SYNGR2: variants seen among roughly 807,000 people sequenced by gnomAD.
SYNGR2 encodes the protein synaptogyrin 2.
SYNGR2 carries 11 observed loss-of-function variants against 18.7 expected under a neutral mutation model. The observed-to-expected ratio is 0.59, with a 90% CI of 0.37 to 0.97. The LOEUF (loss-of-function observed/expected upper bound fraction) is 0.97, where lower values mean the gene tolerates loss of function less well. Among genes scored for constraint, SYNGR2 ranks in the 50% least tolerant of loss-of-function variants. The pLI, the probability that SYNGR2 is intolerant of heterozygous loss-of-function variation, is 0.01. For missense variants in SYNGR2, 253 were observed against 300.7 expected (o/e 0.84, Z 1.17); for synonymous variants, 127 against 131.0 (o/e 0.97, Z 0.21).
In SYNGR2 at chr17:78,171,479, T is replaced by C. The variant is rs776408128; in HGVS notation, c.338-31T>C. On this transcript the variant is annotated intron_variant, in intron 2 of 3. Transcript: ENST00000225777. This position sits in a 1 kb window ranked among gnomAD's most constrained non-coding sequence, Gnocchi z 6.6. ...GTCCTGGAAAGCCCCTCCCTTTCCA[T>C]GGAACTGACGCTTCACCCGTCCTCC... The C allele has an allele frequency of 3.3e-6, 5 of 1,512,932 alleles. No homozygotes were observed. The highest frequency in any genetic ancestry group is 4.6e-5 in the East Asian group (2 of 43,852). The allele number at this position is 1,512,932 out of a possible 1,614,324, so 93.7% of individuals were successfully genotyped here. A position where few individuals can be genotyped will look rare whatever the true frequency, so the allele number is the denominator to read the frequency against.
intron 1 of SYNGR2, chr17:78,170,538 A>T: frequency 2.4e-6 from 1 of 414,164 alleles, no homozygotes; most frequent in Non-Finnish European, 4.5e-6. Context: ...ATCTCTACTA[A>T]AAATACGGGT....
At position 78,170,982 on chromosome 17, in the gene SYNGR2, G is replaced by A. The variant is rs775550721; in HGVS notation, c.265G>A (p.Asp89Asn). ...FLASAFFLVV[D>N]AYFPQISNAT... ...GGCCTCGGCCTTCTTCTTGGTGGTC[G>A]ACGCGTATTTCCCCCAGATCAGCAA... is the stretch of plus-strand genomic sequence containing the variant. Residue 89 changes from aspartate to asparagine, a missense_variant, in exon 2 of 4, where the codon GAC becomes AAC. Coordinates refer to ENST00000225777, the MANE Select transcript of SYNGR2 (RefSeq NM_004710.7). 19 of 1,610,804 alleles carry A rather than the reference G, an allele frequency of 1.2e-5. No individual in the cohort carries two copies. The highest frequency in any genetic ancestry group is 6.7e-5 in the Admixed American group (4 of 59,750).
chr17:78,171,980 C>G lies in SYNGR2; in HGVS notation c.*44C>G, dbSNP rs540194061. The stretch of plus-strand genomic sequence containing the variant: ...AGGGGGACAGAGAGGGCCCTCCCCT[C>G]TGCCCTGGACTTTCCCATGAGCCTC... On this transcript the variant is annotated 3_prime_UTR_variant, in exon 4 of 4. Transcript: ENST00000225777. The surrounding 1 kb of genome is among the most constrained non-coding windows in gnomAD (Gnocchi z 6.6). The G allele has an allele frequency of 4.4e-6, 7 of 1,606,026 alleles. No individual in the cohort carries two copies. The Admixed American group carries it at 8.3e-5, about 19-fold the overall frequency.
rs4789546 is a variant in SYNGR2, at chr17:78,171,312, G to A, written c.338-198G>A. The A allele has an allele frequency of 0.067, 47,666 of 712,214 alleles. 2,751 individuals are homozygous for A. Among genetic ancestry groups the A allele is most frequent in the African/African-American group, 0.23 (12,755 of 55,910 alleles). The allele number at this position is 712,214 out of a possible 1,614,324, so 44.1% of individuals were successfully genotyped here. ...CTCTGCCCCTTTTGTCCCCTAGGCT[G>A]TCTGCTGTGGCCCACCCTGCCAAGG... On this transcript the variant is annotated intron_variant, in intron 2 of 3. Transcript: ENST00000225777. This position sits in a 1 kb window ranked among gnomAD's most constrained non-coding sequence, Gnocchi z 6.6.
chr17:78,169,173 G>A (rs2075640187), intron 1 of SYNGR2: 2 of 152,322 alleles, frequency 1.3e-5, no homozygotes, highest in African/African-American at 4.8e-5. Flanking sequence ...GGCAGGCCAC[G>A]GGTCCGCCTT....
Position 78,171,073 on chromosome 17 carries a change from T to G in SYNGR2, c.337+19T>G, listed in dbSNP as rs531117860. The G allele has an allele frequency of 1.2e-6, 2 of 1,607,406 alleles. No homozygotes were observed. The highest frequency in any genetic ancestry group is 8.5e-7 in the Non-Finnish European group (1 of 1,175,602). ...TTCTCAGGTATCTGCCTGTGGCACCTCCATTTGATCTTGGGGGAGGCATTA... is the reference window on the plus strand; with the variant it reads ...TTCTCAGGTATCTGCCTGTGGCACCGCCATTTGATCTTGGGGGAGGCATTA... On this transcript the variant is annotated intron_variant, in intron 2 of 3. Coordinates refer to ENST00000225777, the MANE Select transcript of SYNGR2 (RefSeq NM_004710.7). This position sits in a 1 kb window ranked among gnomAD's most constrained non-coding sequence, Gnocchi z 6.6.
chr17:78,171,509 GCTCT>G lies in SYNGR2; in HGVS notation c.340_343del (p.Leu114GlyfsTer31). 3 of 1,516,748 alleles carry G rather than the reference GCTCT, an allele frequency of 2.0e-6. No individual in the cohort carries two copies. The highest frequency in any genetic ancestry group is 2.6e-6 in the Non-Finnish European group (3 of 1,133,080). 94.0% of individuals were successfully genotyped at this position (1,516,748 alleles called of 1,614,324 possible). Reference sequence around the variant, plus strand: ...CTGACGCTTCACCCGTCCTCCCCCAGCTCTCTGGACCTTCCTGTGGTTTGTTGGT... The same window carrying G: ...CTGACGCTTCACCCGTCCTCCCCCAGCTGGACCTTCCTGTGGTTTGTTGGT... On this transcript the variant is annotated frameshift_variant and splice_region_variant, in exon 3 of 4. Transcript: ENST00000225777. LOFTEE classifies it high-confidence loss of function. The surrounding 1 kb of genome is among the most constrained non-coding windows in gnomAD (Gnocchi z 6.6).
At chr17:78,169,436 T>C (rs1408961996) in intron 1 of SYNGR2, among the ~76,000 whole-genome samples, 1 of 152,096 alleles carries the variant, frequency 6.6e-6, no homozygotes, top group Admixed American at 6.5e-5. Context: ...GGCTGTGGGA[T>C]CTGATCGCCT....
In SYNGR2 at chr17:78,171,990, C is replaced by T; in HGVS notation, c.*54C>T. On this transcript the variant is annotated 3_prime_UTR_variant, in exon 4 of 4. Transcript: ENST00000225777. The surrounding 1 kb of genome is among the most constrained non-coding windows in gnomAD (Gnocchi z 6.6). ...AGAGGGCCCTCCCCTCTGCCCTGGA[C>T]TTTCCCATGAGCCTCCTGGAACTGC... is the stretch of plus-strand genomic sequence containing the variant. 5.0e-6 allele frequency: 8 copies of T among 1,604,296 alleles called. No homozygotes were observed. The highest frequency in any genetic ancestry group is 5.9e-6 in the Non-Finnish European group (7 of 1,179,192).
In SYNGR2 at chr17:78,170,580, A is replaced by G. The variant is rs151077322; in HGVS notation, c.100-237A>G. 2.2e-3 allele frequency: 1,235 copies of G among 559,622 alleles called. 16 individuals are homozygous for G. The highest frequency in any genetic ancestry group is 0.02 in the African/African-American group (1,071 of 53,652). The allele number at this position is 559,622 out of a possible 1,614,324, so 34.7% of individuals were successfully genotyped here. A position where few individuals can be genotyped will look rare whatever the true frequency, so the allele number is the denominator to read the frequency against. On this transcript the variant is annotated intron_variant, in intron 1 of 3. Coordinates refer to ENST00000225777, the MANE Select transcript of SYNGR2 (RefSeq NM_004710.7). Reference sequence around the variant, plus strand: ...GAGGGCACCTGTAATCCCAGCTACTAGGGAGGCTGAGGCAGAATTGCTTGA... The same window carrying G: ...GAGGGCACCTGTAATCCCAGCTACTGGGGAGGCTGAGGCAGAATTGCTTGA...
rs1567827709 is a variant in SYNGR2 at position 78,171,962 on chromosome 17, CAG to C, written c.*31_*32del. Reference sequence around the variant, plus strand: ...GCGGCGGTTAGCGTGGGAAGGGGGACAGAGAGGGCCCTCCCCTCTGCCCTGGA... The same window carrying C: ...GCGGCGGTTAGCGTGGGAAGGGGGACAGAGGGCCCTCCCCTCTGCCCTGGA... On this transcript the variant is annotated 3_prime_UTR_variant, in exon 4 of 4. Coordinates refer to ENST00000225777, the MANE Select transcript of SYNGR2 (RefSeq NM_004710.7). This position sits in a 1 kb window ranked among gnomAD's most constrained non-coding sequence, Gnocchi z 6.6. 8 of 1,609,904 alleles carry C rather than the reference CAG, an allele frequency of 5.0e-6. No individual in the cohort carries two copies. The South Asian group carries it at 6.6e-5, about 13-fold the overall frequency.
chr17:78,171,949 G>T lies in SYNGR2; in HGVS notation c.*13G>T. 3 of 1,611,704 alleles carry T rather than the reference G, an allele frequency of 1.9e-6. No homozygotes were observed. The highest frequency in any genetic ancestry group is 1.1e-5 in the South Asian group (1 of 91,074). ...CCCTGTGTACTGAGCGGCGGTTAGC[G>T]TGGGAAGGGGGACAGAGAGGGCCCT... On this transcript the variant is annotated 3_prime_UTR_variant, in exon 4 of 4. Coordinates refer to ENST00000225777, the MANE Select transcript of SYNGR2 (RefSeq NM_004710.7). This position sits in a 1 kb window ranked among gnomAD's most constrained non-coding sequence, Gnocchi z 6.6.
At position 78,171,901 on chromosome 17, in the gene SYNGR2, A is replaced by G; in HGVS notation, c.640A>G (p.Thr214Ala). ...GCCACCCTTCACCCAGAACGCGGAG[A>G]CCACCGAGGGCTACCAGCCGCCCCC... ...QQPPFTQNAE[T>A]TEGYQPPPVY The change falls in exon 4 of 4, where the codon ACC (threonine) becomes GCC (alanine). Residue 214 changes from threonine (T) to alanine (A), a missense_variant. Thr to Ala is a moderately conservative substitution (Grantham distance 58). Transcript: ENST00000225777. This position sits in a 1 kb window ranked among gnomAD's most constrained non-coding sequence, Gnocchi z 6.6. 6.2e-7 allele frequency: 1 copy of G among 1,613,670 alleles called. No individual in the cohort carries two copies. Among genetic ancestry groups the G allele is most frequent in the East Asian group, 2.2e-5 (1 of 44,874 alleles).
intron 1 of SYNGR2, 38 bp from the exon 2 acceptor site, chr17:78,170,779 G>A (rs760347951): frequency 5.8e-5 from 91 of 1,580,068 alleles, no homozygotes; most frequent in Admixed American, 8.4e-5. Flanking sequence ...TGCCCCTCAG[G>A]CGGCCACCAG....
chr17:78,170,762 CTG>C (rs762382875), intron 1 of SYNGR2, 53 bp from the exon 2 acceptor site: 1 of 1,490,126 alleles, frequency 6.7e-7, no homozygotes, highest in Admixed American at 1.7e-5. Context: ...AGGGTCCCCG[CTG>C]TGTGTGCCCC....
rs1314079422 is a variant in SYNGR2, at chr17:78,172,663, G to C, written c.*727G>C. 3 of 152,344 alleles carry C rather than the reference G, an allele frequency of 2.0e-5. No homozygotes were observed. The highest frequency in any genetic ancestry group is 2.0e-4 in the Admixed American group (3 of 15,288). The allele number at this position is 152,344 out of a possible 1,614,324, so 9.4% of individuals were successfully genotyped here. A position where few individuals can be genotyped will look rare whatever the true frequency, so the allele number is the denominator to read the frequency against. ...TGTGCCGAGTGTATTATAAAATCGT[G>C]GGGGAGATGCCCGGCCTGGGATGCT... On this transcript the variant is annotated 3_prime_UTR_variant, in exon 4 of 4. Transcript: ENST00000225777.
Position 78,170,841 on chromosome 17 carries a change from T to A in SYNGR2, c.124T>A (p.Cys42Ser), listed in dbSNP as rs751478415. The part of the protein sequence containing the change: ...CLVFALIVFS[C>S]IYGEGYSNAH... ...GGTCTTCGCCTTGATCGTGTTCTCC[T>A]GCATCTATGGTGAGGGCTACAGCAA... The change falls in exon 2 of 4, where the codon TGC (cysteine) becomes AGC (serine). Residue 42 changes from cysteine (C) to serine (S), a missense_variant. Physicochemically the swap from Cys to Ser is moderately radical, Grantham distance 112 (BLOSUM62 -1). Coordinates refer to ENST00000225777, the MANE Select transcript of SYNGR2 (RefSeq NM_004710.7). 6 of 1,612,114 alleles carry A rather than the reference T, an allele frequency of 3.7e-6. No individual in the cohort carries two copies. Among genetic ancestry groups the A allele is most frequent in the Non-Finnish European group, 5.1e-6 (6 of 1,179,654 alleles).
In SYNGR2 at chr17:78,170,993, C is replaced by T; in HGVS notation, c.276C>T (p.Phe92=). 1 of 1,599,554 alleles carries T rather than the reference C, an allele frequency of 6.3e-7. No individual in the cohort carries two copies. The highest frequency in any genetic ancestry group is 8.5e-7 in the Non-Finnish European group (1 of 1,173,672). The change falls in exon 2 of 4, where the codon TTC becomes TTT. Residue 92 remains phenylalanine (F), a synonymous_variant. Transcript: ENST00000225777. ...SAFFLVVDAY[F]PQISNATDRK... is the part of the protein sequence containing the mutation. ...TCTTCTTGGTGGTCGACGCGTATTTCCCCCAGATCAGCAACGCCACTGACC... is the reference window on the plus strand; with the variant it reads ...TCTTCTTGGTGGTCGACGCGTATTTTCCCCAGATCAGCAACGCCACTGACC...
intron 1 of SYNGR2, chr17:78,170,583 G>A (rs2075650403): frequency 1.7e-6 from 1 of 571,976 alleles, no homozygotes; most frequent in African/African-American, 1.9e-5. Flanking sequence ...AGCTACTAGG[G>A]AGGCTGAGGC....
Sources: allele counts gnomAD v4.1 joint callset (sites outside exome capture counted in the v4.1 genomes callset), GRCh38; gene constraint gnomAD v4.1.1; non-coding constraint Gnocchi (gnomAD v3.1); transcripts MANE v1.5; gene names NCBI Gene and HGNC (gene_info 2026-07-23, HGNC 2026-07-21).